The following ACER2 variants were observed in gnomAD, a reference collection of about 807,000 sequenced individuals.
ACER2 encodes the protein alkaline ceramidase 2.
ACER2 carries 26 observed loss-of-function variants against 34.7 expected under a neutral mutation model. That is an observed-to-expected ratio of 0.75 (90% CI 0.55 to 1.04). ACER2 has a LOEUF of 1.04. ACER2 is among the 50% of genes least tolerant of loss of function. The pLI is 0.00. For missense variants in ACER2, 352 were observed against 340.8 expected, an observed-to-expected ratio of 1.03 and a Z score of -0.26; for synonymous variants, 138 against 132.1, an observed-to-expected ratio of 1.04 and a Z score of -0.31.
rs949383203 is a variant in ACER2 at position 19,451,790 on chromosome 9, G to A, written c.*1154G>A. 1.3e-5 allele frequency: 2 copies of A among 152,134 alleles called. No homozygotes were observed. Among genetic ancestry groups the A allele is most frequent in the African/African-American group, 4.8e-5 (2 of 41,416 alleles). The allele number at this position is 152,134 out of a possible 1,614,324, so 9.4% of individuals were successfully genotyped here. A position where few individuals can be genotyped will look rare whatever the true frequency, so the allele number is the denominator to read the frequency against. On this transcript the variant is annotated 3_prime_UTR_variant, in exon 6 of 6. Coordinates refer to ENST00000340967, the MANE Select transcript of ACER2 (RefSeq NM_001010887.3). ...GAGCAAACATGAAGTTTTTGGAAAC[G>A]TTTTCTCATTTGAAGCCTCCAGTAT...
intron 1 of ACER2, among the ~76,000 whole-genome samples, chr9:19,416,883 C>A (rs1010509050): frequency 6.6e-6 from 1 of 152,078 alleles, no homozygotes; most frequent in Admixed American, 6.5e-5. Flanking sequence ...TTTTAAAAGA[C>A]CCTCTTAAGG....
intron 5 of ACER2, among the ~76,000 whole-genome samples, chr9:19,449,301 A>G (rs996206477): frequency 6.6e-5 from 10 of 152,204 alleles, no homozygotes; most frequent in African/African-American, 2.4e-4. Flanking sequence ...TTCCATAACT[A>G]TCAACACGAG....
At chr9:19,421,507 T>C (rs1468049923) in intron 1 of ACER2, among the ~76,000 whole-genome samples, 1 of 152,234 alleles carries the variant, frequency 6.6e-6, no homozygotes, top group African/African-American at 2.4e-5. Flanking sequence ...ACATATATTG[T>C]ATGATTCCAT....
chr9:19,426,635 T>TA (rs1830581026), intron 3 of ACER2, among the ~76,000 whole-genome samples: 1 of 152,216 alleles, frequency 6.6e-6, no homozygotes, highest in Non-Finnish European at 1.5e-5. Flanking sequence ...AGGGACAGTT[T>TA]TTAATGTATT....
At chr9:19,447,671 C>A (rs905317255) in intron 5 of ACER2, among the ~76,000 whole-genome samples, 1 of 152,028 alleles carries the variant, frequency 6.6e-6, no homozygotes, top group Non-Finnish European at 1.5e-5. Context: ...TTATCTAAGT[C>A]CCCTGTCACA....
chr9:19,439,929 C>A (rs1831094854), intron 4 of ACER2, among the ~76,000 whole-genome samples: 1 of 152,088 alleles, frequency 6.6e-6, no homozygotes, highest in Admixed American at 6.5e-5. Flanking sequence ...ATGTGGAGAT[C>A]ACGCCATTGC....
intron 4 of ACER2, among the ~76,000 whole-genome samples, chr9:19,441,768 C>A (rs1180026392): frequency 1.3e-5 from 2 of 152,164 alleles, no homozygotes; most frequent in African/African-American, 4.8e-5. Flanking sequence ...TTGTCACTTA[C>A]CACACCAGTT....
chr9:19,423,489 T>G (rs150515886), intron 1 of ACER2, among the ~76,000 whole-genome samples: 1 of 152,102 alleles, frequency 6.6e-6, no homozygotes, highest in Non-Finnish European at 1.5e-5. Flanking sequence ...TCACCTGAGG[T>G]TGGGAGTTCC....
intron 1 of ACER2, among the ~76,000 whole-genome samples, chr9:19,419,960 C>T (rs1423970210): frequency 1.3e-5 from 2 of 152,074 alleles, no homozygotes; most frequent in South Asian, 2.1e-4. Flanking sequence ...ATCTTTCTCC[C>T]GTTTCTAAAA....
At chr9:19,424,671 C>A in intron 2 of ACER2, 29 bp from the exon 3 acceptor site, 1 of 1,611,614 alleles carries the variant, frequency 6.2e-7, no homozygotes, top group Non-Finnish European at 8.5e-7. Context: ...CTGTGGTGAC[C>A]TTTTTTTATT....
intron 1 of ACER2, among the ~76,000 whole-genome samples, chr9:19,415,336 CA>C (rs1283945907): frequency 6.6e-6 from 1 of 151,718 alleles, no homozygotes; most frequent in African/African-American, 2.4e-5. Flanking sequence ...ACTGAAAATA[CA>C]AAAAATTAGA....
At chr9:19,412,313 T>G (rs573252346) in intron 1 of ACER2, among the ~76,000 whole-genome samples, 1 of 152,298 alleles carries the variant, frequency 6.6e-6, no homozygotes, top group African/African-American at 2.4e-5. Context: ...TTTCTAGATA[T>G]TTTCTAGGCA....
intron 1 of ACER2, among the ~76,000 whole-genome samples, chr9:19,414,179 G>A (rs546971901): frequency 1.3e-5 from 2 of 152,320 alleles, no homozygotes; most frequent in South Asian, 2.1e-4. Flanking sequence ...AGCCCCCTCA[G>A]TCCCAAGCAA....
In ACER2 at chr9:19,427,999, CTTTTTCCTT is replaced by C. The variant is rs766924774; in HGVS notation, c.365+3162_365+3170del. Among the ~76,000 whole-genome samples, 490 of 86,958 alleles carry C rather than the reference CTTTTTCCTT, an allele frequency of 5.6e-3. 7 individuals carry two copies. Among genetic ancestry groups the C allele is most frequent in the African/African-American group, 0.013 (233 of 18,132 alleles). The allele number at this position is 86,958 out of a possible 152,430, so 57.0% of individuals were successfully genotyped here. On this transcript the variant is annotated intron_variant, in intron 3 of 5. Coordinates refer to ENST00000340967, the MANE Select transcript of ACER2 (RefSeq NM_001010887.3). ...CCTTTTTCCTTTTTCCTTTCCTTTC[CTTTTTCCTT>C]TTTCCTTTCCTTTCCTTTCCTTTCC... is the stretch of plus-strand genomic sequence containing the variant.
intron 4 of ACER2, among the ~76,000 whole-genome samples, chr9:19,440,077 A>G (rs1179456312): frequency 6.6e-6 from 1 of 151,504 alleles, no homozygotes; most frequent in Non-Finnish European, 1.5e-5. Flanking sequence ...ATCCCTCTCT[A>G]TAGGCTATAC....
chr9:19,432,833 A>T (rs1484863231), intron 3 of ACER2, among the ~76,000 whole-genome samples: 1 of 151,006 alleles, frequency 6.6e-6, no homozygotes, highest in East Asian at 1.9e-4. Context: ...GGCTCAGGCC[A>T]TCCTCCTACT....
rs559943171 is a variant in ACER2 at position 19,448,483 on chromosome 9, C to T, written c.642-1967C>T. ...TAACCAACCTCTCTCTGATAACGGA[C>T]TTTGAGGTTATTTCTAATTTTCCAC... On this transcript the variant is annotated intron_variant, in intron 5 of 5. Coordinates refer to ENST00000340967, the MANE Select transcript of ACER2 (RefSeq NM_001010887.3). 9.9e-5 allele frequency among the ~76,000 whole-genome samples: 15 copies of T among 152,212 alleles called. No homozygotes were observed. In the South Asian group the frequency reaches 3.1e-3, roughly 32 times the overall value.
intron 4 of ACER2, among the ~76,000 whole-genome samples, chr9:19,441,382 C>T (rs1026955537): frequency 6.6e-6 from 1 of 152,152 alleles, no homozygotes; most frequent in African/African-American, 2.4e-5. Context: ...GTCGATGTTG[C>T]AATGAAGATA....
At chr9:19,425,998 G>GA (rs1375007224) in intron 3 of ACER2, among the ~76,000 whole-genome samples, 1 of 152,174 alleles carries the variant, frequency 6.6e-6, no homozygotes, top group Non-Finnish European at 1.5e-5. Context: ...CTCAAATGGA[G>GA]AAGCGTCTAT....
Sources: allele counts gnomAD v4.1 joint callset (sites outside exome capture counted in the v4.1 genomes callset), GRCh38; gene constraint gnomAD v4.1.1; transcripts MANE v1.5; gene names NCBI Gene and HGNC (gene_info 2026-07-23, HGNC 2026-07-21).